LRRC4C: variants seen among roughly 807,000 people sequenced by gnomAD.
LRRC4C encodes leucine rich repeat containing 4C, also known as leucine-rich repeat-containing protein 4C.
Under a neutral mutation model 33.6 loss-of-function variants are expected in LRRC4C, and 5 were observed. That is an observed-to-expected ratio of 0.15 (90% CI 0.08 to 0.31). The LOEUF (loss-of-function observed/expected upper bound fraction) is 0.31, where lower values mean the gene tolerates loss of function less well. Ranked by LOEUF, LRRC4C falls within the 10% of genes least tolerant of loss-of-function variation. LRRC4C has a pLI of 1.00. For synonymous variants in LRRC4C, 329 were observed against 302.0 expected, an observed-to-expected ratio of 1.09 and a Z score of -0.93; for missense variants, 560 against 796.7, an observed-to-expected ratio of 0.70 and a Z score of 3.58.
chr11:40,530,288 A>G (rs1415856023), intron 3 of LRRC4C, among the ~76,000 whole-genome samples: 1 of 152,094 alleles, frequency 6.6e-6, no homozygotes, highest in Non-Finnish European at 1.5e-5. Context: ...TATTGGCCCA[A>G]ATTTTTACCT....
intron 1 of LRRC4C, among the ~76,000 whole-genome samples, chr11:41,272,030 T>C (rs1490230193): frequency 6.6e-6 from 1 of 152,112 alleles, no homozygotes; most frequent in African/African-American, 2.4e-5. Flanking sequence ...AACCCAGATC[T>C]ACCTGACTTC....
chr11:40,664,991 T>C (rs1235036473), intron 2 of LRRC4C, among the ~76,000 whole-genome samples: 1 of 147,392 alleles, frequency 6.8e-6, no homozygotes, highest in African/African-American at 2.5e-5. Flanking sequence ...GATCTCATTG[T>C]TCAATTCCCA....
intron 2 of LRRC4C, among the ~76,000 whole-genome samples, chr11:40,800,893 C>T (rs1048751594): frequency 2.6e-5 from 4 of 152,170 alleles, no homozygotes. Flanking sequence ...TGAACAGCCT[C>T]ATCTCTATTA....
At chr11:40,277,260 T>A (rs1353777155) in intron 4 of LRRC4C, among the ~76,000 whole-genome samples, 1 of 152,126 alleles carries the variant, frequency 6.6e-6, no homozygotes, top group Non-Finnish European at 1.5e-5. Flanking sequence ...CTCCCCAACA[T>A]AAGAAAACAG....
chr11:40,760,323 T>C (rs1330207620), intron 2 of LRRC4C, among the ~76,000 whole-genome samples: 1 of 151,830 alleles, frequency 6.6e-6, no homozygotes, highest in Non-Finnish European at 1.5e-5. Context: ...TCGCTGCTGC[T>C]CTTCGTGCCG....
chr11:40,459,622 G>T (rs530230498), intron 3 of LRRC4C, among the ~76,000 whole-genome samples: 256 of 152,284 alleles, frequency 1.7e-3, no homozygotes, highest in African/African-American at 5.8e-3. Flanking sequence ...AGCCAGAAAA[G>T]CTGCCTCTCT....
chr11:40,960,083 G>A (rs1850871454), intron 1 of LRRC4C, among the ~76,000 whole-genome samples: 1 of 150,568 alleles, frequency 6.6e-6, no homozygotes, highest in African/African-American at 2.4e-5. Context: ...AGATAAAAAG[G>A]ACATGAAAGG....
intron 5 of LRRC4C, among the ~76,000 whole-genome samples, chr11:40,205,562 T>A (rs1367133807): frequency 6.6e-6 from 1 of 152,184 alleles, no homozygotes; most frequent in Non-Finnish European, 1.5e-5. Flanking sequence ...AAAATTCTAT[T>A]TTTCTCCTGC....
rs1360920903 is a variant in LRRC4C, at chr11:40,578,141, G to GT, written c.-270+70000dup. Among the ~76,000 whole-genome samples the GT allele has an allele frequency of 4.6e-4, 23 of 50,136 alleles. 5 individuals carry two copies. Among genetic ancestry groups the GT allele is most frequent in the Non-Finnish European group, 5.5e-4 (15 of 27,280 alleles). 32.9% of individuals were successfully genotyped at this position (50,136 alleles called of 152,430 possible). A position where few individuals can be genotyped will look rare whatever the true frequency, so the allele number is the denominator to read the frequency against. ...GATATTATTGGACTTTTTTTTTTCG[G>GT]TTTTTTTTTTTTTTTTTTTTTTTTT... On this transcript the variant is annotated intron_variant, in intron 3 of 6. Coordinates refer to ENST00000528697, the MANE Select transcript of LRRC4C (RefSeq NM_001258419.2).
At chr11:41,450,470 T>C (rs1955982090) in intron 1 of LRRC4C, among the ~76,000 whole-genome samples, 1 of 152,166 alleles carries the variant, frequency 6.6e-6, no homozygotes, top group Non-Finnish European at 1.5e-5. Flanking sequence ...GGCAAGCTAA[T>C]GCACAAACTG....
At chr11:40,153,434 G>T (rs1181532900) in intron 5 of LRRC4C, among the ~76,000 whole-genome samples, 1 of 152,028 alleles carries the variant, frequency 6.6e-6, no homozygotes, top group Non-Finnish European at 1.5e-5. Flanking sequence ...ATCCAAACCA[G>T]TAAAAATCCC....
At chr11:40,707,652 G>T (rs544460286) in intron 2 of LRRC4C, among the ~76,000 whole-genome samples, 1 of 150,134 alleles carries the variant, frequency 6.7e-6, no homozygotes, top group East Asian at 1.9e-4. Context: ...GTTCATCAGG[G>T]ATATTGGTCT....
At chr11:41,004,807 T>C (rs1486677143) in intron 1 of LRRC4C, among the ~76,000 whole-genome samples, 5 of 152,060 alleles carry the variant, frequency 3.3e-5, no homozygotes, top group African/African-American at 1.2e-4. Flanking sequence ...AAACAGAGAA[T>C]TAAATGTATG....
intron 2 of LRRC4C, among the ~76,000 whole-genome samples, chr11:40,865,643 A>C (rs1270777413): frequency 6.6e-6 from 1 of 151,818 alleles, no homozygotes; most frequent in Non-Finnish European, 1.5e-5. Context: ...AGCCATTCCC[A>C]AAATCTCAAC....
chr11:40,435,327 TC>T (rs1951102117), intron 3 of LRRC4C, among the ~76,000 whole-genome samples: 1 of 152,170 alleles, frequency 6.6e-6, no homozygotes, highest in African/African-American at 2.4e-5. Flanking sequence ...AAACACTTGA[TC>T]AAACTCCTGA....
At chr11:40,542,005 T>C (rs72885116) in intron 3 of LRRC4C, among the ~76,000 whole-genome samples, 13,684 of 152,020 alleles carry the variant, frequency 0.09, 1,776 homozygotes, top group African/African-American at 0.29. Flanking sequence ...ACATTGACCC[T>C]ATCTTTCTTC....
In LRRC4C at chr11:41,152,547, C is replaced by T. The variant is rs553465617; in HGVS notation, c.-495-218824G>A. Among the ~76,000 whole-genome samples the T allele has an allele frequency of 5.3e-5, 8 of 152,194 alleles. No individual in the cohort carries two copies. The South Asian group carries it at 1.5e-3, about 28-fold the overall frequency. ...AGGAGAAAGTGCAGTTTTATGAACC[C>T]AGGCCTAGTTAGCACAGAAAAAAAG... On this transcript the variant is annotated intron_variant, in intron 1 of 6. Transcript: ENST00000528697.
At chr11:40,593,714 G>T (rs1959161970) in intron 3 of LRRC4C, among the ~76,000 whole-genome samples, 1 of 152,132 alleles carries the variant, frequency 6.6e-6, no homozygotes, top group Admixed American at 6.6e-5. Flanking sequence ...TTTCAAGATA[G>T]AAGACTAAAA....
chr11:41,146,401 A>G (rs538135371), intron 1 of LRRC4C, among the ~76,000 whole-genome samples: 1 of 152,328 alleles, frequency 6.6e-6, no homozygotes, highest in African/African-American at 2.4e-5. Context: ...TATTGCTCTA[A>G]ACACTACTGA....
Sources: allele counts gnomAD v4.1 joint callset (sites outside exome capture counted in the v4.1 genomes callset), GRCh38; gene constraint gnomAD v4.1.1; transcripts MANE v1.5; gene names NCBI Gene and HGNC (gene_info 2026-07-23, HGNC 2026-07-21).